ROBO2: variants seen among roughly 807,000 people sequenced by gnomAD.
ROBO2 encodes the protein roundabout guidance receptor 2.
ROBO2 carries 53 observed loss-of-function variants against 160.8 expected under a neutral mutation model. That is an observed-to-expected ratio of 0.33 (90% CI 0.26 to 0.41). The LOEUF (loss-of-function observed/expected upper bound fraction) is 0.41. Among genes scored for constraint, ROBO2 ranks in the 10% least tolerant of loss-of-function variants. The pLI is 1.00. For synonymous variants in ROBO2, 664 were observed against 611.7 expected, an observed-to-expected ratio of 1.09 and a Z score of -1.26; for missense variants, 1,577 against 1,722.4, an observed-to-expected ratio of 0.92 and a Z score of 1.49.
At chr3:76,907,178 A>G (rs531149637) in intron 2 of ROBO2, among the ~76,000 whole-genome samples, 3 of 152,346 alleles carry the variant, frequency 2.0e-5, no homozygotes, top group Admixed American at 6.5e-5. Context: ...GAAGAAAGAT[A>G]AAAAGAACCT....
chr3:76,682,526 GC>G (rs2092590143), intron 2 of ROBO2, among the ~76,000 whole-genome samples: 1 of 151,982 alleles, frequency 6.6e-6, no homozygotes, highest in Non-Finnish European at 1.5e-5. Context: ...CTCTGCCTCA[GC>G]CTCCTGAGTA....
At chr3:76,332,853 A>G (rs1198539657) in intron 2 of ROBO2, among the ~76,000 whole-genome samples, 2 of 152,340 alleles carry the variant, frequency 1.3e-5, no homozygotes, top group African/African-American at 4.8e-5. Context: ...TAATAGAATA[A>G]AGTTATGAGC....
rs144732201 is a variant in ROBO2, at chr3:75,966,975, C to G, written c.109+29373C>G. On this transcript the variant is annotated intron_variant, in intron 2 of 26. Coordinates refer to the ROBO2 transcript ENST00000487694. ...TTATCAACACACTGCTACACATAGA[C>G]TCAGGTCTTTGATTTCCACAATGTG... Among the ~76,000 whole-genome samples, 988 of 151,696 alleles carry G rather than the reference C, an allele frequency of 6.5e-3. 13 individuals are homozygous for G. The highest frequency in any genetic ancestry group is 0.023 in the African/African-American group (959 of 41,458).
chr3:76,830,021 C>T (rs2066940820), intron 2 of ROBO2, among the ~76,000 whole-genome samples: 1 of 152,178 alleles, frequency 6.6e-6, no homozygotes. Flanking sequence ...TCTGTCTAAA[C>T]TCTGTTTTGA....
intron 2 of ROBO2, among the ~76,000 whole-genome samples, chr3:76,213,625 T>C (rs938412197): frequency 2.0e-5 from 3 of 152,184 alleles, no homozygotes; most frequent in African/African-American, 7.2e-5. Flanking sequence ...TATAGAACAT[T>C]TTGCAAATAT....
chr3:76,172,446 A>G (rs1360161308), intron 2 of ROBO2, among the ~76,000 whole-genome samples: 3 of 151,520 alleles, frequency 2.0e-5, no homozygotes, highest in African/African-American at 7.3e-5. Flanking sequence ...TAAAAAAAAA[A>G]AAAAAAAAGA....
At chr3:75,941,797 C>G (rs1461754543) in intron 2 of ROBO2, among the ~76,000 whole-genome samples, 1 of 152,128 alleles carries the variant, frequency 6.6e-6, no homozygotes, top group Non-Finnish European at 1.5e-5. Flanking sequence ...AAGCAGATCA[C>G]TTTGTTGTCC....
intron 2 of ROBO2, among the ~76,000 whole-genome samples, chr3:76,478,348 G>T (rs1354982847): frequency 1.3e-5 from 2 of 151,678 alleles, no homozygotes; most frequent in African/African-American, 4.9e-5. Context: ...TCCCTACAAA[G>T]GACATGAACT....
chr3:76,005,901 T>C (rs1274353617), intron 2 of ROBO2, among the ~76,000 whole-genome samples: 1 of 152,156 alleles, frequency 6.6e-6, no homozygotes, highest in Non-Finnish European at 1.5e-5. Context: ...TTTTCAGTAT[T>C]TTACATAACC....
intron 2 of ROBO2, among the ~76,000 whole-genome samples, chr3:77,391,079 G>T (rs953848321): frequency 1.3e-5 from 2 of 151,790 alleles, no homozygotes; most frequent in Non-Finnish European, 2.9e-5. Flanking sequence ...CCACTCCCAG[G>T]TTCTTTCTCT....
chr3:77,127,938 G>A (rs2075495460), intron 2 of ROBO2, among the ~76,000 whole-genome samples: 1 of 152,170 alleles, frequency 6.6e-6, no homozygotes, highest in Admixed American at 6.5e-5. Flanking sequence ...TACTAGCTAT[G>A]TAAGGCCTCA....
intron 2 of ROBO2, among the ~76,000 whole-genome samples, chr3:77,248,151 C>A (rs554695226): frequency 6.6e-6 from 1 of 152,214 alleles, no homozygotes; most frequent in African/African-American, 2.4e-5. Flanking sequence ...GAGAGGAGTC[C>A]GGTGGGGATG....
At chr3:77,201,638 A>G (rs889124799) in intron 2 of ROBO2, among the ~76,000 whole-genome samples, 2 of 152,086 alleles carry the variant, frequency 1.3e-5, no homozygotes, top group Non-Finnish European at 2.9e-5. Context: ...GTTTCCTTTC[A>G]CTGTATGTGA....
chr3:76,317,654 T>A (rs2107840355), intron 2 of ROBO2, among the ~76,000 whole-genome samples: 1 of 152,256 alleles, frequency 6.6e-6, no homozygotes, highest in African/African-American at 2.4e-5. Context: ...TACCTTATCT[T>A]TCTTACAACT....
At chr3:77,116,596 A>T (rs1438729799) in intron 2 of ROBO2, among the ~76,000 whole-genome samples, 1 of 152,166 alleles carries the variant, frequency 6.6e-6, no homozygotes, top group South Asian at 2.1e-4. Context: ...TAGAACTTCA[A>T]GGAAGTATTT....
At chr3:76,244,083 T>C (rs1251608642) in intron 2 of ROBO2, among the ~76,000 whole-genome samples, 1 of 152,198 alleles carries the variant, frequency 6.6e-6, no homozygotes, top group African/African-American at 2.4e-5. Context: ...TCATATCTTA[T>C]TGAATCTACA....
At chr3:76,745,957 A>T in intron 2 of ROBO2, among the ~76,000 whole-genome samples, 1 of 147,494 alleles carries the variant, frequency 6.8e-6, no homozygotes, top group African/African-American at 2.5e-5. Flanking sequence ...AACATTAGGT[A>T]TATCTCCTAA....
intron 2 of ROBO2, among the ~76,000 whole-genome samples, chr3:76,261,261 T>C (rs1706743049): frequency 6.6e-6 from 1 of 151,434 alleles, no homozygotes; most frequent in Non-Finnish European, 1.5e-5. Context: ...AGCTCTTCTG[T>C]TTGAAGTGGT....
At chr3:76,135,148 T>C (rs976652273) in intron 2 of ROBO2, among the ~76,000 whole-genome samples, 1 of 152,014 alleles carries the variant, frequency 6.6e-6, no homozygotes, top group African/African-American at 2.4e-5. Flanking sequence ...TGGGATACAC[T>C]TCAGTCCCCT....
Sources: gnomAD v4.1 joint callset for allele counts (sites outside exome capture counted in the v4.1 genomes callset) on GRCh38, gnomAD v4.1.1 for gene constraint, MANE v1.5 for transcripts, NCBI Gene and HGNC (gene_info 2026-07-23, HGNC 2026-07-21) for gene names.